The following C1QTNF7 variants were observed in gnomAD, a reference collection of about 807,000 sequenced individuals.
The protein encoded by C1QTNF7 is complement C1q tumor necrosis factor-related protein 7.
In C1QTNF7, 15 loss-of-function variants were observed where a neutral mutation model predicts 19.6. The observed-to-expected ratio is 0.76, with a 90% CI of 0.51 to 1.18. C1QTNF7 has a LOEUF of 1.18. Among genes scored for constraint, C1QTNF7 ranks in the 50% most tolerant of loss-of-function variants. The pLI is 0.00. For missense variants in C1QTNF7, 324 were observed against 359.7 expected, an observed-to-expected ratio of 0.90 and a Z score of 0.80; for synonymous variants, 142 against 137.5, an observed-to-expected ratio of 1.03 and a Z score of -0.23.
intron 1 of C1QTNF7, among the ~76,000 whole-genome samples, chr4:15,415,154 T>C (rs572359037): frequency 6.6e-6 from 1 of 152,224 alleles, no homozygotes; most frequent in Non-Finnish European, 1.5e-5. Flanking sequence ...CAAGACTCTT[T>C]GCTTTCAAAC....
At position 15,443,479 on chromosome 4, in the gene C1QTNF7, T is replaced by G. The variant is rs1712870401; in HGVS notation, c.*680T>G. The G allele has an allele frequency of 1.3e-5, 2 of 152,240 alleles. No individual in the cohort carries two copies. The highest frequency in any genetic ancestry group is 2.9e-5 in the Non-Finnish European group (2 of 68,064). 9.4% of individuals were successfully genotyped at this position (152,240 alleles called of 1,614,324 possible). A position where few individuals can be genotyped will look rare whatever the true frequency, so the allele number is the denominator to read the frequency against. ...CATAGCAAACAGATGGATTTGAAGC[T>G]AAAAGCACACAGGGTCTGCTATTCC... On this transcript the variant is annotated 3_prime_UTR_variant, in exon 3 of 3. Coordinates refer to ENST00000444304, the MANE Select transcript of C1QTNF7 (RefSeq NM_031911.5).
intron 1 of C1QTNF7, among the ~76,000 whole-genome samples, chr4:15,361,778 A>G (rs551337491): frequency 6.6e-6 from 1 of 152,188 alleles, no homozygotes; most frequent in African/African-American, 2.4e-5. Context: ...TAAATCTCAT[A>G]TTAGACTAAG....
At chr4:15,363,662 C>A (rs1233204053) in intron 1 of C1QTNF7, among the ~76,000 whole-genome samples, 1 of 152,110 alleles carries the variant, frequency 6.6e-6, no homozygotes, top group Non-Finnish European at 1.5e-5. Context: ...GGCCACATTG[C>A]CTCCCCAGAC....
intron 1 of C1QTNF7, among the ~76,000 whole-genome samples, chr4:15,409,056 G>A (rs1035768563): frequency 3.9e-5 from 6 of 152,110 alleles, no homozygotes; most frequent in African/African-American, 1.4e-4. Flanking sequence ...TGACACCCAA[G>A]GACAGATGGG....
At chr4:15,411,967 C>T (rs186157796) in intron 1 of C1QTNF7, among the ~76,000 whole-genome samples, 1 of 152,112 alleles carries the variant, frequency 6.6e-6, no homozygotes, top group Non-Finnish European at 1.5e-5. Flanking sequence ...AGTGAAGCTT[C>T]ATCTGTATTT....
intron 1 of C1QTNF7, among the ~76,000 whole-genome samples, chr4:15,422,242 G>A (rs1711814792): frequency 6.8e-6 from 1 of 146,464 alleles, no homozygotes; most frequent in Admixed American, 6.8e-5. Context: ...GCACAGATAT[G>A]ACAGCAAAGG....
At chr4:15,393,506 T>C (rs115842036) in intron 1 of C1QTNF7, among the ~76,000 whole-genome samples, 1 of 152,272 alleles carries the variant, frequency 6.6e-6, no homozygotes, top group African/African-American at 2.4e-5. Flanking sequence ...GGGATCACAT[T>C]AAAACGCAGA....
Position 15,407,150 on chromosome 4 carries a change from A to G in C1QTNF7, c.14-28586A>G, listed in dbSNP as rs1719219524. 3.3e-5 allele frequency among the ~76,000 whole-genome samples: 5 copies of G among 152,250 alleles called. No homozygotes were observed. The South Asian group carries it at 1.0e-3, about 32-fold the overall frequency. ...AAATGTTTAAGAGTCTCTCCTGGGC[A>G]TGGAAAAAGTGTGTCAGGCGGGTAA... On this transcript the variant is annotated intron_variant, in intron 1 of 2. Coordinates refer to the C1QTNF7 transcript ENST00000295297.
intron 1 of C1QTNF7, among the ~76,000 whole-genome samples, chr4:15,414,084 G>A (rs1254317608): frequency 6.6e-6 from 1 of 152,150 alleles, no homozygotes; most frequent in African/African-American, 2.4e-5. Context: ...TTCACTTTGT[G>A]TCGATTTATG....
At chr4:15,387,986 G>GCC (rs1251054454) in intron 1 of C1QTNF7, among the ~76,000 whole-genome samples, 24 of 152,188 alleles carry the variant, frequency 1.6e-4, no homozygotes, top group African/African-American at 5.6e-4. Context: ...GGGCACAGGT[G>GCC]CAAGGTTGAC....
intron 1 of C1QTNF7, among the ~76,000 whole-genome samples, chr4:15,403,135 G>T (rs1478319587): frequency 1.3e-5 from 2 of 152,056 alleles, no homozygotes; most frequent in East Asian, 3.9e-4. Context: ...TGAGTCCCAT[G>T]CTTCCCCAAA....
intron 1 of C1QTNF7, among the ~76,000 whole-genome samples, chr4:15,361,889 C>T (rs1054026884): frequency 6.6e-6 from 1 of 152,276 alleles, no homozygotes; most frequent in South Asian, 2.1e-4. Flanking sequence ...CAAGAAAACA[C>T]ATTAACTCTT....
At chr4:15,391,907 C>T (rs1718572875) in intron 1 of C1QTNF7, among the ~76,000 whole-genome samples, 2 of 152,082 alleles carry the variant, frequency 1.3e-5, no homozygotes, top group African/African-American at 4.8e-5. Context: ...AACCCATGTT[C>T]TTTCAATTTG....
chr4:15,433,995 A>AT (rs552802126), intron 1 of C1QTNF7, among the ~76,000 whole-genome samples: 63 of 151,314 alleles, frequency 4.2e-4, no homozygotes, highest in Middle Eastern at 3.4e-3. Flanking sequence ...CTTTCCATAT[A>AT]TTTTTTTTTC....
At chr4:15,416,976 A>G (rs1453127661) in intron 1 of C1QTNF7, among the ~76,000 whole-genome samples, 1 of 152,246 alleles carries the variant, frequency 6.6e-6, no homozygotes, top group Non-Finnish European at 1.5e-5. Flanking sequence ...AAGATTTTTC[A>G]GGGATAGCCC....
At chr4:15,377,342 C>T (rs1295161913) in intron 1 of C1QTNF7, among the ~76,000 whole-genome samples, 1 of 152,072 alleles carries the variant, frequency 6.6e-6, no homozygotes, top group East Asian at 1.9e-4. Flanking sequence ...AACTTTTGGC[C>T]CATGTCATCT....
At chr4:15,436,071 G>A (rs1409388097) in intron 2 of C1QTNF7, 90 bp downstream of exon 2, 2 of 1,512,212 alleles carry the variant, frequency 1.3e-6, no homozygotes, top group Non-Finnish European at 8.9e-7. Flanking sequence ...AATGGGAATT[G>A]CTCCTTAAAC....
intron 1 of C1QTNF7, chr4:15,374,866 TC>T: frequency 2.9e-5 from 17 of 587,764 alleles, no homozygotes; most frequent in African/African-American, 1.4e-4. Flanking sequence ...TCTCTCTCTC[TC>T]TCTCTTTTTT....
intron 1 of C1QTNF7, among the ~76,000 whole-genome samples, chr4:15,350,319 GGAAGGAGGAAAGAAA>G (rs1716885554): frequency 3.0e-5 from 2 of 67,182 alleles, no homozygotes; most frequent in Non-Finnish European, 5.6e-5. Flanking sequence ...AGGGAGGGAA[GGAAGGAGGAAAGAAA>G]GGAGGGAGGG....
Sources: allele counts gnomAD v4.1 joint callset (sites outside exome capture counted in the v4.1 genomes callset), GRCh38; gene constraint gnomAD v4.1.1; transcripts MANE v1.5; gene names NCBI Gene and HGNC (gene_info 2026-07-23, HGNC 2026-07-21).